The following GPC6 variants were observed in gnomAD, a reference collection of about 807,000 sequenced individuals.
The protein encoded by GPC6 is glypican-6.
Under a neutral mutation model 55.2 loss-of-function variants are expected in GPC6, and 14 were observed. The ratio of observed to expected loss-of-function variants is 0.25; its 90% CI spans 0.17 to 0.40. GPC6 has a LOEUF of 0.40. GPC6 is among the 10% of genes least tolerant of loss of function. The pLI is 1.00. For missense variants in GPC6, 641 were observed against 708.5 expected (o/e 0.90, Z 1.08); for synonymous variants, 278 against 259.6 (o/e 1.07, Z -0.68).
chr13:94,255,207 G>T (rs1031572900), intron 4 of GPC6, among the ~76,000 whole-genome samples: 1 of 152,144 alleles, frequency 6.6e-6, no homozygotes, highest in Non-Finnish European at 1.5e-5. Flanking sequence ...CGTTTACAAC[G>T]CAGTGGAGGA....
intron 2 of GPC6, among the ~76,000 whole-genome samples, chr13:93,720,692 T>C (rs1043998078): frequency 3.3e-5 from 5 of 152,120 alleles, no homozygotes; most frequent in African/African-American, 1.2e-4. Flanking sequence ...CACTTTCTCA[T>C]GTGGGCATTT....
At chr13:94,197,224 C>T (rs1025134720) in intron 4 of GPC6, among the ~76,000 whole-genome samples, 19 of 152,096 alleles carry the variant, frequency 1.2e-4, no homozygotes, top group African/African-American at 4.6e-4. Flanking sequence ...AATCCCCCCT[C>T]ATCTGTAAAT....
intron 1 of GPC6, among the ~76,000 whole-genome samples, chr13:93,274,073 C>A (rs1263300200): frequency 6.6e-6 from 1 of 152,070 alleles, no homozygotes; most frequent in Non-Finnish European, 1.5e-5. Flanking sequence ...GGATTACAGG[C>A]GTGAGCCCCT....
intron 6 of GPC6, 53 bp downstream of exon 6, chr13:94,306,176 A>C (rs1464135916): frequency 1.9e-6 from 3 of 1,599,396 alleles, no homozygotes; most frequent in Non-Finnish European, 2.6e-6. Flanking sequence ...TACCAAGGTC[A>C]TTCTTTGAAA....
chr13:93,388,810 G>A (rs1485176314), intron 1 of GPC6, among the ~76,000 whole-genome samples: 1 of 152,034 alleles, frequency 6.6e-6, no homozygotes, highest in Non-Finnish European at 1.5e-5. Flanking sequence ...GCTCCCTCAG[G>A]CCAATAACTT....
intron 1 of GPC6, among the ~76,000 whole-genome samples, chr13:93,488,952 T>G (rs551545328): frequency 7.2e-5 from 11 of 152,230 alleles, no homozygotes; most frequent in African/African-American, 2.6e-4. Context: ...TTTCTTTTGC[T>G]GTGCAGAAGC....
intron 4 of GPC6, among the ~76,000 whole-genome samples, chr13:94,218,589 C>T (rs960862179): frequency 1.3e-5 from 2 of 152,128 alleles, no homozygotes; most frequent in Non-Finnish European, 2.9e-5. Context: ...TGATGTGGGC[C>T]TTGCAAAAGT....
chr13:93,529,151 G>C (rs1881765642), intron 1 of GPC6, among the ~76,000 whole-genome samples: 1 of 152,102 alleles, frequency 6.6e-6, no homozygotes, highest in Non-Finnish European at 1.5e-5. Flanking sequence ...TACTTCTTAT[G>C]ATGAGCTCTG....
At chr13:93,312,154 T>A (rs1446545281) in intron 1 of GPC6, among the ~76,000 whole-genome samples, 1 of 152,208 alleles carries the variant, frequency 6.6e-6, no homozygotes, top group Non-Finnish European at 1.5e-5. Flanking sequence ...TTTCTTTTCT[T>A]ATTCCAGGTC....
chr13:93,789,608 T>TAATACTAC (rs3077838), intron 2 of GPC6, among the ~76,000 whole-genome samples: 2,905 of 32,964 alleles, frequency 0.088, 217 homozygotes, highest in Admixed American at 0.11. Flanking sequence ...CATATATATA[T>TAATACTAC]ATATATATAT....
intron 1 of GPC6, among the ~76,000 whole-genome samples, chr13:93,538,850 A>G (rs1305271625): frequency 6.6e-6 from 1 of 152,112 alleles, no homozygotes; most frequent in Non-Finnish European, 1.5e-5. Flanking sequence ...ACCATAAACC[A>G]TAACTCCACT....
chr13:94,295,263 A>G (rs763574763), intron 5 of GPC6, among the ~76,000 whole-genome samples: 1 of 152,196 alleles, frequency 6.6e-6, no homozygotes, highest in Admixed American at 6.5e-5. Flanking sequence ...TGAGAGCACA[A>G]TGATATAATC....
At chr13:94,311,772 C>A (rs2139118628) in intron 6 of GPC6, among the ~76,000 whole-genome samples, 1 of 152,230 alleles carries the variant, frequency 6.6e-6, no homozygotes, top group Non-Finnish European at 1.5e-5. Flanking sequence ...GGAGGTAAAT[C>A]TGGAACAGGA....
chr13:93,337,032 T>C (rs977162262), intron 1 of GPC6, among the ~76,000 whole-genome samples: 3 of 152,204 alleles, frequency 2.0e-5, no homozygotes, highest in African/African-American at 7.2e-5. Flanking sequence ...ATCAGTTGTT[T>C]GTGCAACATC....
chr13:93,447,859 A>C (rs1446728251), intron 1 of GPC6, among the ~76,000 whole-genome samples: 1 of 152,182 alleles, frequency 6.6e-6, no homozygotes, highest in Non-Finnish European at 1.5e-5. Flanking sequence ...GGTTTTTCAG[A>C]AAAGAGTTAA....
chr13:93,690,841 C>T (rs1015604340), intron 2 of GPC6, among the ~76,000 whole-genome samples: 12 of 152,018 alleles, frequency 7.9e-5, no homozygotes, highest in Admixed American at 3.3e-4. Context: ...TTTATCTTAC[C>T]TTTTCCTATC....
chr13:93,334,311 C>T (rs923311588), intron 1 of GPC6, among the ~76,000 whole-genome samples: 10 of 152,058 alleles, frequency 6.6e-5, no homozygotes, highest in African/African-American at 2.4e-4. Context: ...TCTGGAGTGT[C>T]CTGGTTTTTC....
chr13:94,349,829 C>G (rs915739719), intron 6 of GPC6, among the ~76,000 whole-genome samples: 10 of 152,112 alleles, frequency 6.6e-5, no homozygotes, highest in African/African-American at 2.4e-4. Context: ...CACACAGTCT[C>G]GGGTGATTCT....
intron 1 of GPC6, among the ~76,000 whole-genome samples, chr13:93,324,548 A>G (rs1336989095): frequency 6.6e-5 from 9 of 136,492 alleles, no homozygotes; most frequent in South Asian, 2.2e-4. Flanking sequence ...ATGTGTGTAT[A>G]TATATATATG....
Sources: gnomAD v4.1 joint callset for allele counts (sites outside exome capture counted in the v4.1 genomes callset) on GRCh38, gnomAD v4.1.1 for gene constraint, MANE v1.5 for transcripts, NCBI Gene and HGNC (gene_info 2026-07-23, HGNC 2026-07-21) for gene names.